ROCK2: variants seen among roughly 807,000 people sequenced by gnomAD.
The protein encoded by ROCK2 is rho-associated protein kinase 2.
In ROCK2, 61 loss-of-function variants were observed where a neutral mutation model predicts 195.1. The observed-to-expected ratio is 0.31, with a 90% confidence interval of 0.25 to 0.39. ROCK2 has a LOEUF of 0.39. ROCK2 is among the 10% of genes least tolerant of loss of function. The pLI is 1.00. For missense variants in ROCK2, 1,109 were observed against 1,637.4 expected, an observed-to-expected ratio of 0.68 and a Z score of 5.57; for synonymous variants, 504 against 545.5, an observed-to-expected ratio of 0.92 and a Z score of 1.06.
At chr2:11,244,312 C>T (rs573367260) in intron 4 of ROCK2, among the ~76,000 whole-genome samples, 1 of 151,688 alleles carries the variant, frequency 6.6e-6, no homozygotes, top group Non-Finnish European at 1.5e-5. Flanking sequence ...GGCCCTTTAC[C>T]AAAAAATGTT....
At chr2:11,295,563 G>T (rs1447147932) in intron 1 of ROCK2, among the ~76,000 whole-genome samples, 1 of 152,062 alleles carries the variant, frequency 6.6e-6, no homozygotes, top group Non-Finnish European at 1.5e-5. Flanking sequence ...TCAATATTTT[G>T]ATATTCATAA....
At chr2:11,206,922 C>A (rs1664072990) in intron 20 of ROCK2, among the ~76,000 whole-genome samples, 1 of 152,208 alleles carries the variant, frequency 6.6e-6, no homozygotes, top group Non-Finnish European at 1.5e-5. Flanking sequence ...CCAATATTCA[C>A]AACTCAGTCT....
chr2:11,339,327 T>G (rs983022460), intron 1 of ROCK2, among the ~76,000 whole-genome samples: 5 of 152,144 alleles, frequency 3.3e-5, no homozygotes, highest in African/African-American at 1.2e-4. Context: ...GGATGTTCAC[T>G]GTCGATTTTT....
At chr2:11,255,928 C>CAAAA (rs57678031) in intron 3 of ROCK2, among the ~76,000 whole-genome samples, 2 of 33,064 alleles carry the variant, frequency 6.0e-5, no homozygotes, top group African/African-American at 1.3e-4. Context: ...GACTCCATCT[C>CAAAA]AAAAAAAAAA....
intron 9 of ROCK2, 78 bp from the exon 10 acceptor site, chr2:11,219,104 A>G: frequency 5.6e-6 from 4 of 711,966 alleles, no homozygotes; most frequent in Non-Finnish European, 9.1e-6. Flanking sequence ...TTATTCTCAG[A>G]CTTAAATATC....
At chr2:11,290,397 A>G (rs1392118982) in intron 1 of ROCK2, among the ~76,000 whole-genome samples, 1 of 152,122 alleles carries the variant, frequency 6.6e-6, no homozygotes, top group Non-Finnish European at 1.5e-5. Flanking sequence ...CCAGGAGTTC[A>G]AGAGCAGCCT....
At chr2:11,247,747 C>A (rs930053203) in intron 4 of ROCK2, among the ~76,000 whole-genome samples, 6 of 152,212 alleles carry the variant, frequency 3.9e-5, no homozygotes, top group African/African-American at 7.2e-5. Flanking sequence ...AGGCCAGGCG[C>A]AGAGGCTCAT....
At chr2:11,335,393 C>T (rs1038891297) in intron 1 of ROCK2, among the ~76,000 whole-genome samples, 1 of 152,128 alleles carries the variant, frequency 6.6e-6, no homozygotes, top group African/African-American at 2.4e-5. Flanking sequence ...ACCATGATTT[C>T]ACATCAATTT....
intron 20 of ROCK2, among the ~76,000 whole-genome samples, chr2:11,206,925 C>T (rs1345942321): frequency 2.0e-5 from 3 of 152,212 alleles, no homozygotes; most frequent in Admixed American, 6.5e-5. Flanking sequence ...ATATTCACAA[C>T]TCAGTCTGTC....
chr2:11,286,618 A>AT lies in ROCK2; in HGVS notation c.244dup (p.Ile82AsnfsTer12). ...TTCTGCCTTCATCTGTAGACCTCTG[A>AT]TTTTTTTCACAATTTTCTCATCTAC... On this transcript the variant is annotated frameshift_variant, in exon 3 of 33. Transcript: ENST00000315872. LOFTEE classifies it high-confidence loss of function. 3 of 1,604,058 alleles carry AT rather than the reference A, an allele frequency of 1.9e-6. No homozygotes were observed. The highest frequency in any genetic ancestry group is 1.1e-5 in the South Asian group (1 of 89,736).
chr2:11,295,858 G>A (rs565641961), intron 1 of ROCK2, among the ~76,000 whole-genome samples: 10 of 151,992 alleles, frequency 6.6e-5, no homozygotes, highest in South Asian at 2.1e-4. Flanking sequence ...TTGGAAGGCC[G>A]AGGCAGGACA....
At chr2:11,318,585 T>G (rs867968260) in intron 1 of ROCK2, among the ~76,000 whole-genome samples, 1 of 152,226 alleles carries the variant, frequency 6.6e-6, no homozygotes, top group Non-Finnish European at 1.5e-5. Context: ...TCTTTTGCTG[T>G]GCAGAAGCTC....
chr2:11,215,675 A>G (rs1664401760), intron 13 of ROCK2, 30 bp from the exon 14 acceptor site: 1 of 1,550,934 alleles, frequency 6.4e-7, no homozygotes, highest in Non-Finnish European at 8.7e-7. Context: ...TATTATCAAA[A>G]AAGTATGTAT....
chr2:11,224,621 T>C (rs2148080625), intron 6 of ROCK2, among the ~76,000 whole-genome samples, 161 bp from the exon 7 acceptor site: 1 of 152,288 alleles, frequency 6.6e-6, no homozygotes, highest in African/African-American at 2.4e-5. Context: ...CATATTGTTA[T>C]ATTCTAAATC....
chr2:11,202,112 C>T lies in ROCK2; in HGVS notation c.2559G>A (p.Gln853=), dbSNP rs1663873446. The T allele has an allele frequency of 5.0e-6, 8 of 1,612,962 alleles. No homozygotes were observed. The highest frequency in any genetic ancestry group is 2.2e-5 in the East Asian group (1 of 44,870). The change falls in exon 21 of 33, where the codon CAG becomes CAA. Residue 853 remains glutamine, a synonymous_variant. Transcript: ENST00000315872. ...GCTCTTTCATTTGCCCATCTGCATC[C>T]TGACGTTCTCTGTGAGGACAATGAA... ...KQNAELRKER[Q]DADGQMKELQ...
chr2:11,337,246 G>GAAAA (rs774024004), intron 1 of ROCK2, among the ~76,000 whole-genome samples: 1 of 105,282 alleles, frequency 9.5e-6, no homozygotes. Flanking sequence ...CTCTACCTCA[G>GAAAA]AAAAAAAAAA....
intron 1 of ROCK2, among the ~76,000 whole-genome samples, chr2:11,314,319 GT>G: frequency 1.7e-5 from 1 of 58,100 alleles, no homozygotes; most frequent in South Asian, 8.3e-4. Flanking sequence ...TACGTCCTTT[GT>G]CTGTATGTTC....
At chr2:11,310,707 AAAAAT>A (rs1380105675) in intron 1 of ROCK2, among the ~76,000 whole-genome samples, 1 of 152,162 alleles carries the variant, frequency 6.6e-6, no homozygotes, top group Non-Finnish European at 1.5e-5. Flanking sequence ...TAAAATTCAT[AAAAAT>A]AAAAGCTCAA....
chr2:11,229,074 T>C (rs908919269), intron 5 of ROCK2, among the ~76,000 whole-genome samples: 2 of 152,148 alleles, frequency 1.3e-5, no homozygotes, highest in Non-Finnish European at 2.9e-5. Context: ...TCAGTGTGAA[T>C]AACCACTTGC....
Sources: gnomAD v4.1 joint callset for allele counts (sites outside exome capture counted in the v4.1 genomes callset) on GRCh38, gnomAD v4.1.1 for gene constraint, MANE v1.5 for transcripts, NCBI Gene and HGNC (gene_info 2026-07-23, HGNC 2026-07-21) for gene names.